The following CFHR1 variants were observed in gnomAD, a reference collection of about 807,000 sequenced individuals.
CFHR1 encodes the protein complement factor H-related protein 1.
CFHR1 carries 22 observed loss-of-function variants against 30.4 expected under a neutral mutation model. The ratio of observed to expected loss-of-function variants is 0.72; its 90% confidence interval spans 0.52 to 1.03. The LOEUF is 1.03. Ranked by LOEUF, CFHR1 falls within the 50% of genes least tolerant of loss-of-function variation. The pLI is 0.00. For missense variants in CFHR1, 248 were observed against 380.6 expected (o/e 0.65, Z 2.90); for synonymous variants, 95 against 129.1 (o/e 0.74, Z 1.79).
chr1:196,829,642 T>A (rs364806), intron 4 of CFHR1, among the ~76,000 whole-genome samples: 5,231 of 134,794 alleles, frequency 0.039, 1,582 homozygotes, highest in African/African-American at 0.15. Context: ...TGCCACATGG[T>A]TATAGATGAA....
In CFHR1 at chr1:196,830,854, G is replaced by A. The variant is rs1655527081; in HGVS notation, c.790+172G>A. ...AGAAATTTTCTCTTTAGGGCTGGGT[G>A]TGGTGGCTCACACCTGTAATCCCAG... On this transcript the variant is annotated intron_variant, in intron 5 of 5. Coordinates refer to ENST00000320493, the MANE Select transcript of CFHR1 (RefSeq NM_002113.3). Among the ~76,000 whole-genome samples, 2 of 135,464 alleles carry A rather than the reference G, an allele frequency of 1.5e-5. 1 individual carries two copies. The allele number at this position is 135,464 out of a possible 152,430, so 88.9% of individuals were successfully genotyped here. A position where few individuals can be genotyped will look rare whatever the true frequency, so the allele number is the denominator to read the frequency against.
rs1431965428 is a variant in CFHR1 at position 196,831,924 on chromosome 1, T to C, written c.918T>C (p.Leu306=). ...TTGTGTGTAAACGGGGATATCGTCTTTCATCACGTTCTCACACATTGCGAA... is the reference window on the plus strand; with the variant it reads ...TTGTGTGTAAACGGGGATATCGTCTCTCATCACGTTCTCACACATTGCGAA... ...AEFVCKRGYR[L]SSRSHTLRTT... Residue 306 remains leucine, a synonymous_variant, in exon 6 of 6, where the codon CTT becomes CTC. Coordinates refer to ENST00000320493, the MANE Select transcript of CFHR1 (RefSeq NM_002113.3). 6.6e-7 allele frequency: 1 copy of C among 1,525,486 alleles called. No individual in the cohort carries two copies. Among genetic ancestry groups the C allele is most frequent in the Non-Finnish European group, 8.9e-7 (1 of 1,129,232 alleles). 94.5% of individuals were successfully genotyped at this position (1,525,486 alleles called of 1,614,324 possible). A position where few individuals can be genotyped will look rare whatever the true frequency, so the allele number is the denominator to read the frequency against.
Position 196,829,046 on chromosome 1 carries a change from G to A in CFHR1, c.607+800G>A, listed in dbSNP as rs190883096. On this transcript the variant is annotated intron_variant, in intron 4 of 5. Transcript: ENST00000320493. ...CTATTTCCCTATTCCTCCATTCCCTGTAGGGAAAATTATTAAGGAGATTAA... is the reference window on the plus strand; with the variant it reads ...CTATTTCCCTATTCCTCCATTCCCTATAGGGAAAATTATTAAGGAGATTAA... Among the ~76,000 whole-genome samples, 884 of 133,774 alleles carry A rather than the reference G, an allele frequency of 6.6e-3. 118 individuals carry two copies. The highest frequency in any genetic ancestry group is 6.8e-3 in the Non-Finnish European group (436 of 63,736). The allele number at this position is 133,774 out of a possible 152,430, so 87.8% of individuals were successfully genotyped here. A position where few individuals can be genotyped will look rare whatever the true frequency, so the allele number is the denominator to read the frequency against.
At position 196,824,053 on chromosome 1, in the gene CFHR1, G is replaced by A. The variant is rs1208891470; in HGVS notation, c.59-1424G>A. ...GAAGATTTCACCCATTTTCTACATT[G>A]TTTTAATATATCTTGCACCATAGTG... On this transcript the variant is annotated intron_variant, in intron 1 of 5. Coordinates refer to ENST00000320493, the MANE Select transcript of CFHR1 (RefSeq NM_002113.3). 1.5e-5 allele frequency among the ~76,000 whole-genome samples: 2 copies of A among 133,776 alleles called. 1 individual carries two copies. Among genetic ancestry groups the A allele is most frequent in the African/African-American group, 6.4e-5 (2 of 31,056 alleles). The allele number at this position is 133,776 out of a possible 152,430, so 87.8% of individuals were successfully genotyped here.
Position 196,831,818 on chromosome 1 carries a change from A to T in CFHR1, c.812A>T (p.Glu271Val). The T allele has an allele frequency of 6.6e-7, 1 of 1,525,094 alleles. No homozygotes were observed. Among genetic ancestry groups the T allele is most frequent in the East Asian group, 2.2e-5 (1 of 44,590 alleles). 94.5% of individuals were successfully genotyped at this position (1,525,094 alleles called of 1,614,324 possible). ...KCLHPCVISR[E>V]IMENYNIALR... ...TCAGATCCGTGTGTAATATCCCGAG[A>T]AATTATGGAAAATTATAACATAGCA... The change falls in exon 6 of 6, where the codon GAA becomes GTA. Residue 271 changes from glutamate to valine, a missense_variant. Physicochemically the swap from Glu to Val is moderately radical, Grantham distance 121. Coordinates refer to ENST00000320493, the MANE Select transcript of CFHR1 (RefSeq NM_002113.3).
rs1254927503 is a variant in CFHR1, at chr1:196,826,656, G to A, written c.254-173G>A. The stretch of plus-strand genomic sequence containing the variant: ...CTAGAAACAGGGTTTCACCATGTTG[G>A]CCAGGCAGGTCTCGAACTCCTGGCC... On this transcript the variant is annotated intron_variant, in intron 2 of 5. Coordinates refer to ENST00000320493, the MANE Select transcript of CFHR1 (RefSeq NM_002113.3). Among the ~76,000 whole-genome samples the A allele has an allele frequency of 9.7e-5, 13 of 134,314 alleles. 2 individuals are homozygous for A. Among genetic ancestry groups the A allele is most frequent in the South Asian group, 2.6e-4 (1 of 3,856 alleles). The allele number at this position is 134,314 out of a possible 152,430, so 88.1% of individuals were successfully genotyped here.
rs1655352772 is a variant in CFHR1, at chr1:196,826,986, T to A, written c.411T>A (p.Pro137=). The A allele has an allele frequency of 6.6e-7, 1 of 1,523,220 alleles. No homozygotes were observed. Among genetic ancestry groups the A allele is most frequent in the Non-Finnish European group, 8.9e-7 (1 of 1,128,594 alleles). 94.4% of individuals were successfully genotyped at this position (1,523,220 alleles called of 1,614,324 possible). ...ISCVERGWST[P]PKCRSTDTSC... is the part of the protein sequence containing the mutation. Reference sequence around the variant, plus strand: ...GTGTAGAACGGGGCTGGTCCACCCCTCCCAAATGCAGGTCCACTGGTAAGT... The same window carrying A: ...GTGTAGAACGGGGCTGGTCCACCCCACCCAAATGCAGGTCCACTGGTAAGT... The change falls in exon 3 of 6, where the codon CCT becomes CCA. Residue 137 remains proline, a synonymous_variant. Coordinates refer to ENST00000320493, the MANE Select transcript of CFHR1 (RefSeq NM_002113.3).
rs1655483866 is a variant in CFHR1 at position 196,830,059 on chromosome 1, A to G, written c.608-441A>G. On this transcript the variant is annotated intron_variant, in intron 4 of 5. Transcript: ENST00000320493. Reference sequence around the variant, plus strand: ...GTCAGCTCCCCATGTATTATTAAGTATATTCAGTGTTTTTAAAAAATTTTT... The same window carrying G: ...GTCAGCTCCCCATGTATTATTAAGTGTATTCAGTGTTTTTAAAAAATTTTT... 1.5e-5 allele frequency among the ~76,000 whole-genome samples: 2 copies of G among 135,290 alleles called. 1 individual carries two copies. Among genetic ancestry groups the G allele is most frequent in the African/African-American group, 6.3e-5 (2 of 31,730 alleles). 88.8% of individuals were successfully genotyped at this position (135,290 alleles called of 152,430 possible).
At position 196,831,961 on chromosome 1, in the gene CFHR1, G is replaced by A. The variant is rs761735318; in HGVS notation, c.955G>A (p.Asp319Asn). Residue 319 changes from aspartate (D) to asparagine (N), a missense_variant, in exon 6 of 6, where the codon GAT becomes AAT. By Grantham distance (23) the Asp-to-Asn change is conservative. Around this residue, in one of 3 missense-constraint regions of CFHR1, gnomAD observed 112 missense variants for 156.4 expected, o/e 0.72. Coordinates refer to ENST00000320493, the MANE Select transcript of CFHR1 (RefSeq NM_002113.3). ...TCACACATTGCGAACAACATGTTGG[G>A]ATGGGAAACTGGAGTATCCAACTTG... is the stretch of plus-strand genomic sequence containing the variant. ...RSHTLRTTCW[D>N]GKLEYPTCAK... 13 of 1,524,592 alleles carry A rather than the reference G, an allele frequency of 8.5e-6. No individual in the cohort carries two copies. The highest frequency in any genetic ancestry group is 1.1e-5 in the Non-Finnish European group (12 of 1,128,552). 94.4% of individuals were successfully genotyped at this position (1,524,592 alleles called of 1,614,324 possible). A position where few individuals can be genotyped will look rare whatever the true frequency, so the allele number is the denominator to read the frequency against.
chr1:196,830,719 G>T lies in CFHR1; in HGVS notation c.790+37G>T, dbSNP rs1694447. ...AATATTCACGTGGCTGGAAAAATCA[G>T]TGTGATGAGTCTGATATTTTGCTGT... is the stretch of plus-strand genomic sequence containing the variant. On this transcript the variant is annotated intron_variant, in intron 5 of 5. Coordinates refer to ENST00000320493, the MANE Select transcript of CFHR1 (RefSeq NM_002113.3). 5.3e-6 allele frequency: 8 copies of T among 1,514,722 alleles called. 2 individuals carry two copies. Among genetic ancestry groups the T allele is most frequent in the Non-Finnish European group, 7.1e-6 (8 of 1,120,548 alleles). 93.8% of individuals were successfully genotyped at this position (1,514,722 alleles called of 1,614,324 possible).
chr1:196,826,170 GA>G lies in CFHR1; in HGVS notation c.253+508del, dbSNP rs1296922689. ...TCCAATGATAACAGGTGTATTAAAAGAAAAAAAAATTGGGAGACAGATACAT... is the reference window on the plus strand; with the variant it reads ...TCCAATGATAACAGGTGTATTAAAAGAAAAAAAATTGGGAGACAGATACAT... On this transcript the variant is annotated intron_variant, in intron 2 of 5. Transcript: ENST00000320493. 76 of 137,030 alleles carry G rather than the reference GA, an allele frequency of 5.5e-4. 10 individuals are homozygous for G. Among genetic ancestry groups the G allele is most frequent in the Middle Eastern group, 4.0e-3 (1 of 252 alleles). 8.5% of individuals were successfully genotyped at this position (137,030 alleles called of 1,614,324 possible).
At chr1:196,829,659 A>G (rs1571379393) in intron 4 of CFHR1, among the ~76,000 whole-genome samples, 1 of 135,206 alleles carries the variant, frequency 7.4e-6, no homozygotes, top group East Asian at 2.0e-4. Flanking sequence ...TGAAAAACTT[A>G]CCATCATTTG....
chr1:196,826,724 A>T lies in CFHR1; in HGVS notation c.254-105A>T. 2 of 1,113,376 alleles carry T rather than the reference A, an allele frequency of 1.8e-6. 1 individual carries two copies. The highest frequency in any genetic ancestry group is 3.1e-5 in the South Asian group (2 of 65,032). The allele number at this position is 1,113,376 out of a possible 1,614,324, so 69.0% of individuals were successfully genotyped here. A position where few individuals can be genotyped will look rare whatever the true frequency, so the allele number is the denominator to read the frequency against. On this transcript the variant is annotated intron_variant, in intron 2 of 5. Transcript: ENST00000320493. ...CTCAGCCTCCCAAAGCGCAGAGATT[A>T]CCAGAGTGAGCCACTTCACCCGGTT...
Position 196,831,630 on chromosome 1 carries a change from C to A in CFHR1, c.791-167C>A, listed in dbSNP as rs1280891639. ...AAAACCTCATTTTCACATCGATTACCATTTTAAGTTTATTTAAATCAATAT... is the reference window on the plus strand; with the variant it reads ...AAAACCTCATTTTCACATCGATTACAATTTTAAGTTTATTTAAATCAATAT... On this transcript the variant is annotated intron_variant, in intron 5 of 5. Transcript: ENST00000320493. 1.5e-5 allele frequency among the ~76,000 whole-genome samples: 2 copies of A among 135,164 alleles called. 1 individual carries two copies. Among genetic ancestry groups the A allele is most frequent in the African/African-American group, 6.3e-5 (2 of 31,546 alleles). The allele number at this position is 135,164 out of a possible 152,430, so 88.7% of individuals were successfully genotyped here.
Position 196,823,369 on chromosome 1 carries a change from A to G in CFHR1, c.59-2108A>G, listed in dbSNP as rs1655198285. On this transcript the variant is annotated intron_variant, in intron 1 of 5. Coordinates refer to ENST00000320493, the MANE Select transcript of CFHR1 (RefSeq NM_002113.3). ...AAAACCAAGTTATTCTGGATAGCAA[A>G]GAATATGTAGGTACAAATGTATGAA... is the stretch of plus-strand genomic sequence containing the variant. Among the ~76,000 whole-genome samples, 2 of 134,888 alleles carry G rather than the reference A, an allele frequency of 1.5e-5. 1 individual carries two copies. The highest frequency in any genetic ancestry group is 1.4e-4 in the Admixed American group (2 of 14,014). 88.5% of individuals were successfully genotyped at this position (134,888 alleles called of 152,430 possible). A position where few individuals can be genotyped will look rare whatever the true frequency, so the allele number is the denominator to read the frequency against.
chr1:196,830,630 C>A lies in CFHR1; in HGVS notation c.738C>A (p.Asn246Lys). The A allele has an allele frequency of 6.6e-7, 1 of 1,524,338 alleles. No homozygotes were observed. Among genetic ancestry groups the A allele is most frequent in the Non-Finnish European group, 8.9e-7 (1 of 1,128,892 alleles). The allele number at this position is 1,524,338 out of a possible 1,614,324, so 94.4% of individuals were successfully genotyped here. A position where few individuals can be genotyped will look rare whatever the true frequency, so the allele number is the denominator to read the frequency against. ...QCQNLYQLEGNKRITCRNGQW... is the reference protein window; with the variant it reads ...QCQNLYQLEGKKRITCRNGQW... ...AGAACTTGTATCAACTTGAGGGTAA[C>A]AAGCGAATAACATGTAGAAATGGAC... Residue 246 changes from asparagine (N) to lysine (K), a missense_variant, in exon 5 of 6, where the codon AAC (asparagine) becomes AAA (lysine). By Grantham distance (94) the Asn-to-Lys change is moderately conservative. Around this residue, in one of 3 missense-constraint regions of CFHR1, gnomAD observed 112 missense variants for 156.4 expected, o/e 0.72. Transcript: ENST00000320493.
chr1:196,830,426 T>C (rs114252579), intron 4 of CFHR1, 74 bp from the exon 5 acceptor site: 45,012 of 1,421,046 alleles, frequency 0.032, 6,745 homozygotes, highest in Non-Finnish European at 0.036. Context: ...GTGCTGTGTT[T>C]GTATTTGCCT....
chr1:196,822,178 G>A (rs1655142545), intron 1 of CFHR1, among the ~76,000 whole-genome samples: 1 of 117,502 alleles, frequency 8.5e-6, no homozygotes, highest in Non-Finnish European at 1.7e-5. Flanking sequence ...TACTAGAGGT[G>A]GTATAAACAC....
rs762901236 is a variant in CFHR1, at chr1:196,827,028, A to G, written c.430+23A>G. Reference sequence around the variant, plus strand: ...CTGGTAAGTACAATGCTGTTCTCTCATATGCTGTTATCTATTATAAAGTTT... The same window carrying G: ...CTGGTAAGTACAATGCTGTTCTCTCGTATGCTGTTATCTATTATAAAGTTT... On this transcript the variant is annotated intron_variant, in intron 3 of 5. Coordinates refer to ENST00000320493, the MANE Select transcript of CFHR1 (RefSeq NM_002113.3). 1.3e-5 allele frequency: 19 copies of G among 1,506,610 alleles called. 7 individuals are homozygous for G. The African/African-American group carries it at 2.6e-4, about 21-fold the overall frequency. 93.3% of individuals were successfully genotyped at this position (1,506,610 alleles called of 1,614,324 possible).
Sources: gnomAD v4.1 joint callset for allele counts (sites outside exome capture counted in the v4.1 genomes callset) on GRCh38, gnomAD v4.1.1 for gene constraint, gnomAD v4.1.1 regional missense constraint, MANE v1.5 for transcripts, NCBI Gene and HGNC (gene_info 2026-07-23, HGNC 2026-07-21) for gene names.